ACAP2: variants seen among roughly 807,000 people sequenced by gnomAD.
The protein encoded by ACAP2 is ArfGAP with coiled-coil, ankyrin repeat and PH domains 2.
In ACAP2, 39 loss-of-function variants were observed where a neutral mutation model predicts 115.8. The ratio of observed to expected loss-of-function variants is 0.34; its 90% confidence interval spans 0.26 to 0.44. The LOEUF is 0.44. Ranked by LOEUF, ACAP2 falls within the 20% of genes least tolerant of loss-of-function variation. The pLI, the probability that ACAP2 is intolerant of heterozygous loss-of-function variation, is 1.00. For missense variants in ACAP2, 662 were observed against 927.6 expected, an observed-to-expected ratio of 0.71 and a Z score of 3.72; for synonymous variants, 289 against 315.8, an observed-to-expected ratio of 0.92 and a Z score of 0.90.
Position 195,290,692 on chromosome 3 carries a change from A to G in ACAP2, c.2063+1014T>C, listed in dbSNP as rs577906325. Among the ~76,000 whole-genome samples the G allele has an allele frequency of 2.4e-4, 36 of 152,192 alleles. No individual in the cohort carries two copies. The East Asian group carries it at 6.8e-3, about 29-fold the overall frequency. On this transcript the variant is annotated intron_variant, in intron 20 of 22. Coordinates refer to ENST00000326793, the MANE Select transcript of ACAP2 (RefSeq NM_012287.6). ...GCCAGGCATGGTGGTGCACACCTAC[A>G]ATCCCAGCTACTCAGGGGGCTAAGG...
In ACAP2 at chr3:195,345,420, T is replaced by A. The variant is rs890597763; in HGVS notation, c.286-103A>T. The A allele has an allele frequency of 1.6e-5, 11 of 706,414 alleles. No homozygotes were observed. In the South Asian group the frequency reaches 1.8e-4, roughly 11 times the overall value. 43.8% of individuals were successfully genotyped at this position (706,414 alleles called of 1,614,324 possible). On this transcript the variant is annotated intron_variant, in intron 4 of 22. Transcript: ENST00000326793. ...CCCTCCATCAATTCTTCAATTCTAA[T>A]ACCGTCTATATCTCTTCTTGAAGAC... is the stretch of plus-strand genomic sequence containing the variant.
intron 4 of ACAP2, among the ~76,000 whole-genome samples, chr3:195,345,751 T>TG (rs1242090335): frequency 6.6e-6 from 1 of 152,170 alleles, no homozygotes; most frequent in Non-Finnish European, 1.5e-5. Flanking sequence ...GGTTACTCAT[T>TG]GGGGAAGACG....
At chr3:195,407,273 G>C (rs949755077) in intron 1 of ACAP2, among the ~76,000 whole-genome samples, 1 of 151,124 alleles carries the variant, frequency 6.6e-6, no homozygotes, top group Admixed American at 6.6e-5. Context: ...TGAGGTGGGA[G>C]GATTGTTTGA....
chr3:195,320,818 A>G lies in ACAP2; in HGVS notation c.745-5T>C. 6.3e-7 allele frequency: 1 copy of G among 1,587,952 alleles called. No homozygotes were observed. The highest frequency in any genetic ancestry group is 8.6e-7 in the Non-Finnish European group (1 of 1,157,384). ...AGAATCATCACTGGAGAAATCCTAC[A>G]CAAAATAACACATAAAGAAGTTCAT... On this transcript the variant is annotated splice_region_variant and splice_polypyrimidine_tract_variant and intron_variant, in intron 9 of 22. Coordinates refer to ENST00000326793, the MANE Select transcript of ACAP2 (RefSeq NM_012287.6).
intron 6 of ACAP2, among the ~76,000 whole-genome samples, chr3:195,339,811 C>T (rs1179698001): frequency 6.6e-6 from 1 of 151,298 alleles, no homozygotes; most frequent in Non-Finnish European, 1.5e-5. Flanking sequence ...GCTAATCCTC[C>T]CAGTATAAAA....
At chr3:195,423,703 C>T (rs1265795319) in intron 1 of ACAP2, among the ~76,000 whole-genome samples, 1 of 151,258 alleles carries the variant, frequency 6.6e-6, no homozygotes, top group Non-Finnish European at 1.5e-5. Context: ...TCAACTCTGC[C>T]GTTGTAGCAA....
chr3:195,306,726 T>C (rs1728444914), intron 12 of ACAP2, 110 bp from the exon 13 acceptor site: 1 of 744,268 alleles, frequency 1.3e-6, no homozygotes, highest in East Asian at 3.0e-5. Flanking sequence ...TAGCCAAAAA[T>C]ATATATAATT....
chr3:195,293,414 A>C (rs1727399923), intron 18 of ACAP2, among the ~76,000 whole-genome samples: 1 of 152,198 alleles, frequency 6.6e-6, no homozygotes, highest in African/African-American at 2.4e-5. Context: ...ATGGGGAGGG[A>C]GTTGCTGATC....
chr3:195,417,008 G>A (rs1430037384), intron 1 of ACAP2, among the ~76,000 whole-genome samples: 1 of 149,368 alleles, frequency 6.7e-6, no homozygotes, highest in African/African-American at 2.5e-5. Context: ...CTCAACTCCT[G>A]TGCTCAAGCA....
At chr3:195,299,195 T>C (rs1005584624) in intron 15 of ACAP2, among the ~76,000 whole-genome samples, 6 of 152,078 alleles carry the variant, frequency 3.9e-5, no homozygotes, top group Non-Finnish European at 8.8e-5. Context: ...AGAAATTTAA[T>C]GTAAGGCAAA....
chr3:195,275,933 C>T lies in ACAP2; in HGVS notation c.*3395G>A, dbSNP rs1270304680. On this transcript the variant is annotated 3_prime_UTR_variant, in exon 23 of 23. Transcript: ENST00000326793. ...ACGACTAGTCCAGTGCTCCTTCCAC[C>T]GTATCATGCGGTTCTAAAGTCATTC... 6.6e-6 allele frequency: 1 copy of T among 152,582 alleles called. No individual in the cohort carries two copies. Among genetic ancestry groups the T allele is most frequent in the South Asian group, 2.1e-4 (1 of 4,830 alleles). 9.5% of individuals were successfully genotyped at this position (152,582 alleles called of 1,614,324 possible).
chr3:195,329,088 AAAAAAAGAAAGAAAG>A (rs1229991853), intron 8 of ACAP2, among the ~76,000 whole-genome samples: 36 of 151,992 alleles, frequency 2.4e-4, no homozygotes, highest in African/African-American at 8.0e-4. Context: ...TCAAAAAAAA[AAAAAAAGAAAGAAAG>A]AAAAAAGAAA....
intron 4 of ACAP2, among the ~76,000 whole-genome samples, chr3:195,379,708 G>A (rs910900835): frequency 1.3e-5 from 2 of 152,218 alleles, no homozygotes; most frequent in African/African-American, 4.8e-5. Context: ...GGAGGCTACA[G>A]TAAGAGGATC....
At chr3:195,390,738 C>A (rs769304939) in intron 2 of ACAP2, among the ~76,000 whole-genome samples, 3 of 152,138 alleles carry the variant, frequency 2.0e-5, no homozygotes, top group Non-Finnish European at 2.9e-5. Flanking sequence ...GTCTCAGGAG[C>A]ACTACGTTAC....
intron 1 of ACAP2, among the ~76,000 whole-genome samples, chr3:195,415,588 A>T (rs1200617113): frequency 2.0e-5 from 3 of 152,024 alleles, no homozygotes; most frequent in African/African-American, 7.2e-5. Context: ...TCCATTTTTT[A>T]AAAAAGTAAA....
chr3:195,381,114 A>G (rs1560308437), intron 3 of ACAP2, 52 bp from the exon 4 acceptor site: 2 of 1,403,668 alleles, frequency 1.4e-6, no homozygotes, highest in Non-Finnish European at 2.0e-6. Context: ...CCACTTAAAT[A>G]GGTCACAAAA....
intron 1 of ACAP2, among the ~76,000 whole-genome samples, chr3:195,409,430 G>GA (rs961361821): frequency 2.8e-4 from 42 of 147,572 alleles, no homozygotes; most frequent in Admixed American, 6.7e-4. Context: ...ATTCCTGGGG[G>GA]AAAAAAAAAA....
chr3:195,306,843 C>T (rs575149183), intron 12 of ACAP2: 452 of 303,214 alleles, frequency 1.5e-3, no homozygotes, highest in Admixed American at 2.8e-3. Flanking sequence ...TAACCCATCA[C>T]TGAATATTTA....
chr3:195,360,454 C>A (rs1166504778), intron 4 of ACAP2, among the ~76,000 whole-genome samples: 1 of 152,222 alleles, frequency 6.6e-6, no homozygotes, highest in Non-Finnish European at 1.5e-5. Flanking sequence ...ACTTTCAGCA[C>A]TGGACAGATC....
Sources: gnomAD v4.1 joint callset for allele counts (sites outside exome capture counted in the v4.1 genomes callset) on GRCh38, gnomAD v4.1.1 for gene constraint, MANE v1.5 for transcripts, NCBI Gene and HGNC (gene_info 2026-07-23, HGNC 2026-07-21) for gene names.